EPHA10: variants seen among roughly 807,000 people sequenced by gnomAD.
EPHA10 encodes the protein EPH receptor A10.
In EPHA10, 120 loss-of-function variants were observed where a neutral mutation model predicts 109.7. The observed-to-expected ratio is 1.09, with a 90% CI of 0.94 to 1.27. The LOEUF (loss-of-function observed/expected upper bound fraction) is 1.27. EPHA10 is among the 50% of genes most tolerant of loss of function. EPHA10 has a pLI of 0.00. For synonymous variants in EPHA10, 640 were observed against 618.9 expected, an observed-to-expected ratio of 1.03 and a Z score of -0.51; for missense variants, 1,396 against 1,411.1, an observed-to-expected ratio of 0.99 and a Z score of 0.17.
intron 6 of EPHA10, among the ~76,000 whole-genome samples, chr1:37,734,874 T>A (rs1055332526): frequency 4.6e-5 from 7 of 152,240 alleles, no homozygotes; most frequent in Admixed American, 2.0e-4. Flanking sequence ...ATGTGCTCCA[T>A]GGTCAGGCAC....
chr1:37,719,113 T>C, intron 15 of EPHA10: 1 of 590,232 alleles, frequency 1.7e-6, no homozygotes. Context: ...CGAATATTAA[T>C]TTCACATATT....
chr1:37,731,330 C>T, intron 7 of EPHA10, 81 bp downstream of exon 7: 2 of 1,410,404 alleles, frequency 1.4e-6, no homozygotes, highest in Non-Finnish European at 1.9e-6. Context: ...GATAACTCTC[C>T]CCCTCTATTT....
intron 5 of EPHA10, among the ~76,000 whole-genome samples, chr1:37,744,241 C>G (rs896601481): frequency 6.6e-6 from 1 of 151,852 alleles, no homozygotes; most frequent in African/African-American, 2.4e-5. Context: ...TGGCCGGGCA[C>G]AGTGGTTCAC....
intron 7 of EPHA10, among the ~76,000 whole-genome samples, chr1:37,729,326 A>C (rs1026804007): frequency 6.6e-6 from 1 of 152,244 alleles, no homozygotes; most frequent in African/African-American, 2.4e-5. Context: ...ATGGAAACAT[A>C]AGATTATAAA....
At chr1:37,760,220 A>C in intron 3 of EPHA10, 1 of 967,552 alleles carries the variant, frequency 1.0e-6, no homozygotes, top group Non-Finnish European at 1.2e-6. Context: ...CTTGAGAGCT[A>C]GGACTATGTC....
At chr1:37,723,693 T>C (rs553710369) in intron 8 of EPHA10, among the ~76,000 whole-genome samples, 3 of 152,312 alleles carry the variant, frequency 2.0e-5, no homozygotes, top group African/African-American at 7.2e-5. Flanking sequence ...CATGCGGTTT[T>C]GTGAAAGTGT....
chr1:37,749,550 G>T (rs900525890), intron 5 of EPHA10, among the ~76,000 whole-genome samples: 5 of 151,880 alleles, frequency 3.3e-5, no homozygotes, highest in Non-Finnish European at 7.4e-5. Context: ...GTGTGTGCCT[G>T]TAATACCAGC....
rs898904001 is a variant in EPHA10 at position 37,764,903 on chromosome 1, G to A, written c.106+58C>T. 2.0e-6 allele frequency: 3 copies of A among 1,480,500 alleles called. No individual in the cohort carries two copies. The highest frequency in any genetic ancestry group is 2.4e-5 in the East Asian group (1 of 41,152). 91.7% of individuals were successfully genotyped at this position (1,480,500 alleles called of 1,614,324 possible). The stretch of plus-strand genomic sequence containing the variant: ...GACTCCTTCCCCCAGAACCCCCATC[G>A]CCAGCCCCCTATCTTTTGGTATGCC... On this transcript the variant is annotated intron_variant, in intron 1 of 16. Coordinates refer to ENST00000373048, the MANE Select transcript of EPHA10 (RefSeq NM_001099439.2). The surrounding 1 kb of genome is among the most constrained non-coding windows in gnomAD (Gnocchi z 5.8).
intron 3 of EPHA10, among the ~76,000 whole-genome samples, chr1:37,756,220 C>G (rs1443241404): frequency 6.6e-6 from 1 of 152,176 alleles, no homozygotes; most frequent in African/African-American, 2.4e-5. Flanking sequence ...CTCCTTGTGC[C>G]TCTCTGGCCT....
At position 37,716,851 on chromosome 1, in the gene EPHA10, C is replaced by T. The variant is rs1056100202; in HGVS notation, c.*1521G>A. On this transcript the variant is annotated 3_prime_UTR_variant, in exon 17 of 17. Transcript: ENST00000373048. Reference sequence around the variant, plus strand: ...CACACATTAAGAGAGTGGCTATCTCCCCCTCCAGCCCACCTACCCACTGAC... The same window carrying T: ...CACACATTAAGAGAGTGGCTATCTCTCCCTCCAGCCCACCTACCCACTGAC... The T allele has an allele frequency of 6.9e-5, 16 of 232,948 alleles. No individual in the cohort carries two copies. The highest frequency in any genetic ancestry group is 3.1e-4 in the African/African-American group (14 of 45,318). The allele number at this position is 232,948 out of a possible 1,614,324, so 14.4% of individuals were successfully genotyped here.
rs959154038 is a variant in EPHA10 at position 37,752,796 on chromosome 1, A to G, written c.1357+80T>C. 294 of 1,047,646 alleles carry G rather than the reference A, an allele frequency of 2.8e-4. No homozygotes were observed. The African/African-American group carries it at 4.5e-3, about 16-fold the overall frequency. The allele number at this position is 1,047,646 out of a possible 1,614,324, so 64.9% of individuals were successfully genotyped here. ...TGGGGTGGGTGGGTGGGGCTCCCGCAGGACCGACGGGGCGGCCCCAAGAGG... is the reference window on the plus strand; with the variant it reads ...TGGGGTGGGTGGGTGGGGCTCCCGCGGGACCGACGGGGCGGCCCCAAGAGG... On this transcript the variant is annotated intron_variant, in intron 5 of 16. Transcript: ENST00000373048.
intron 5 of EPHA10, among the ~76,000 whole-genome samples, chr1:37,740,907 A>C (rs2148345345): frequency 6.6e-6 from 1 of 152,272 alleles, no homozygotes; most frequent in Middle Eastern, 3.4e-3. Context: ...GAAGAGGAAA[A>C]GCTTTTAGGG....
intron 15 of EPHA10, chr1:37,719,168 A>G (rs1451627222): frequency 1.7e-6 from 1 of 598,106 alleles, no homozygotes; most frequent in South Asian, 2.0e-5. Context: ...TACCACATCT[A>G]TTTCTCCAGT....
chr1:37,763,916 A>C (rs1646454280), intron 1 of EPHA10, among the ~76,000 whole-genome samples: 1 of 152,180 alleles, frequency 6.6e-6, no homozygotes, highest in Non-Finnish European at 1.5e-5. Context: ...CTGCTTTTGA[A>C]AGAATGTCTG....
chr1:37,716,237 C>T lies in EPHA10; in HGVS notation c.*2135G>A, dbSNP rs188142794. On this transcript the variant is annotated 3_prime_UTR_variant, in exon 17 of 17. Coordinates refer to ENST00000373048, the MANE Select transcript of EPHA10 (RefSeq NM_001099439.2). ...AACAGGATTCTGGGACCTCACTCCTCAGTGGAGGGGAGATCTACCCTGGAC... is the reference window on the plus strand; with the variant it reads ...AACAGGATTCTGGGACCTCACTCCTTAGTGGAGGGGAGATCTACCCTGGAC... 1.0e-5 allele frequency: 3 copies of T among 292,120 alleles called. No homozygotes were observed. The highest frequency in any genetic ancestry group is 1.9e-5 in the Non-Finnish European group (3 of 154,630). 18.1% of individuals were successfully genotyped at this position (292,120 alleles called of 1,614,324 possible). A position where few individuals can be genotyped will look rare whatever the true frequency, so the allele number is the denominator to read the frequency against.
At chr1:37,742,965 C>T (rs1646177273) in intron 5 of EPHA10, among the ~76,000 whole-genome samples, 1 of 152,012 alleles carries the variant, frequency 6.6e-6, no homozygotes, top group South Asian at 2.1e-4. Flanking sequence ...CACTGCACTC[C>T]AGCCTGAGTG....
At chr1:37,757,720 T>C (rs956635459) in intron 3 of EPHA10, among the ~76,000 whole-genome samples, 3 of 152,110 alleles carry the variant, frequency 2.0e-5, no homozygotes, top group Non-Finnish European at 4.4e-5. Context: ...CTCCTCTCAC[T>C]CCTGATCCAT....
At chr1:37,727,020 G>A (rs1223984822) in intron 8 of EPHA10, 82 bp downstream of exon 8, 3 of 1,126,200 alleles carry the variant, frequency 2.7e-6, no homozygotes, top group African/African-American at 1.6e-5. Context: ...GTGCAAAGTG[G>A]GCAGAGATGC....
Position 37,765,111 on chromosome 1 carries a change from C to G in EPHA10, c.-45G>C, listed in dbSNP as rs780968679. 4.6e-6 allele frequency: 7 copies of G among 1,526,736 alleles called. No homozygotes were observed. The highest frequency in any genetic ancestry group is 6.2e-6 in the Non-Finnish European group (7 of 1,129,702). The allele number at this position is 1,526,736 out of a possible 1,614,324, so 94.6% of individuals were successfully genotyped here. A position where few individuals can be genotyped will look rare whatever the true frequency, so the allele number is the denominator to read the frequency against. ...CAGTCCGGCGGCGGCTCAAGCCGCG[C>G]CAGCCTAGCACCGCTGAGCAATGCC... On this transcript the variant is annotated 5_prime_UTR_variant, in exon 1 of 17. Coordinates refer to ENST00000373048, the MANE Select transcript of EPHA10 (RefSeq NM_001099439.2).
Sources: allele counts gnomAD v4.1 joint callset (sites outside exome capture counted in the v4.1 genomes callset), GRCh38; gene constraint gnomAD v4.1.1; non-coding constraint Gnocchi (gnomAD v3.1); transcripts MANE v1.5; gene names NCBI Gene and HGNC (gene_info 2026-07-23, HGNC 2026-07-21).